The following NOC2L variants were observed in gnomAD, a reference collection of about 807,000 sequenced individuals.
NOC2L encodes NOC2 like nucleolar associated transcriptional repressor.
In NOC2L, 101 loss-of-function variants were observed where a neutral mutation model predicts 94.2. That is an observed-to-expected ratio of 1.07 (90% CI 0.91 to 1.26). NOC2L has a LOEUF of 1.26. Ranked by LOEUF, NOC2L falls within the 50% of genes most tolerant of loss-of-function variation. The pLI is 0.00. For synonymous variants in NOC2L, 531 were observed against 413.4 expected, an observed-to-expected ratio of 1.28 and a Z score of -3.45; for missense variants, 1,076 against 980.1, an observed-to-expected ratio of 1.10 and a Z score of -1.31.
At position 953,252 on chromosome 1, in the gene NOC2L, G is replaced by A. The variant is rs1425356479; in HGVS notation, c.925C>T (p.Leu309=). The stretch of plus-strand genomic sequence containing the variant: ...AGGACCAGGAAAGCCAGCACCCGCA[G>A]AGACTCTTCCCCAGTGCTCCATACG... ...VIVWSTGEES[L]RVLAFLVLSR... The change falls in exon 9 of 19, where the codon CTG becomes TTG. Residue 309 remains leucine (L), a synonymous_variant. Coordinates refer to ENST00000327044, the MANE Select transcript of NOC2L (RefSeq NM_015658.4). 4 of 1,611,818 alleles carry A rather than the reference G, an allele frequency of 2.5e-6. No homozygotes were observed. The highest frequency in any genetic ancestry group is 3.4e-6 in the Non-Finnish European group (4 of 1,178,320).
Position 959,199 on chromosome 1 carries a change from C to T in NOC2L, c.26+16G>A, listed in dbSNP as rs1475560570. On this transcript the variant is annotated intron_variant, in intron 1 of 18. Coordinates refer to ENST00000327044, the MANE Select transcript of NOC2L (RefSeq NM_015658.4). The stretch of plus-strand genomic sequence containing the variant: ...CCCACCGGGAGGCCAAATCGGCCCT[C>T]GGACCCGCGGCTTACCTCTTGCGGC... The T allele has an allele frequency of 1.2e-6, 2 of 1,610,572 alleles. No individual in the cohort carries two copies. Among genetic ancestry groups the T allele is most frequent in the Non-Finnish European group, 1.7e-6 (2 of 1,179,060 alleles).
intron 17 of NOC2L, 23 bp from the exon 18 acceptor site, chr1:945,169 C>T: frequency 1.3e-6 from 2 of 1,573,542 alleles, no homozygotes; most frequent in Non-Finnish European, 8.6e-7. Context: ...AAGCAGAGTC[C>T]ATATGACTCC....
rs779464694 is a variant in NOC2L, at chr1:945,585, C to T, written c.1986G>A (p.Lys662=). ...TCAGGTCAAAGAGGTCTTTAAATTG[C>T]TTCCTGTCCTCATCCTTCCTGTCAG... is the stretch of plus-strand genomic sequence containing the variant. The part of the protein sequence containing the change: ...KMADRKDEDR[K]QFKDLFDLNS... Residue 662 remains lysine (K), a synonymous_variant, in exon 17 of 19, where the codon AAG becomes AAA. Coordinates refer to ENST00000327044, the MANE Select transcript of NOC2L (RefSeq NM_015658.4). 3.3e-5 allele frequency: 53 copies of T among 1,614,022 alleles called. No homozygotes were observed. The East Asian group carries it at 1.0e-3, about 31-fold the overall frequency.
At chr1:958,690 T>A (rs1432866866) in intron 2 of NOC2L, 1 of 690,076 alleles carries the variant, frequency 1.4e-6, no homozygotes, top group Non-Finnish European at 2.6e-6. Context: ...AGAGTTCTCC[T>A]AGATCGGGAA....
In NOC2L at chr1:952,435, T is replaced by C. The variant is rs1449490062; in HGVS notation, c.1168A>G (p.Asn390Asp). 4 of 1,613,640 alleles carry C rather than the reference T, an allele frequency of 2.5e-6. No homozygotes were observed. The highest frequency in any genetic ancestry group is 2.2e-5 in the East Asian group (1 of 44,872). ...YIRQLAIHLR[N>D]AMTTRKKETY... ...ACCTTCTTGCGAGTGGTCATGGCGT[T>C]GCGCAGGTGTATGGCGAGCTGGCGG... The change falls in exon 10 of 19, where the codon AAC (asparagine) becomes GAC (aspartate). Residue 390 changes from asparagine (N) to aspartate (D), a missense_variant. Asn to Asp is a conservative substitution (Grantham distance 23). Around this residue, in one of 3 missense-constraint regions of NOC2L, gnomAD observed 615 missense variants for 577.4 expected, o/e 1.07. Coordinates refer to ENST00000327044, the MANE Select transcript of NOC2L (RefSeq NM_015658.4).
At chr1:948,027 T>A (rs1231059363) in intron 14 of NOC2L, 104 bp downstream of exon 14, 2 of 891,332 alleles carry the variant, frequency 2.2e-6, no homozygotes, top group East Asian at 5.3e-5. Context: ...TCCACCCCAG[T>A]CCCAGGTACC....
intron 6 of NOC2L, chr1:954,367 C>T: frequency 2.4e-6 from 1 of 422,446 alleles, no homozygotes; most frequent in South Asian, 5.6e-5. Context: ...CAGCCTCCAA[C>T]TCCCTCTCAG....
intron 10 of NOC2L, 34 bp from the exon 11 acceptor site, chr1:952,173 G>A: frequency 6.2e-7 from 1 of 1,612,084 alleles, no homozygotes; most frequent in South Asian, 1.1e-5. Context: ...CTACTGGCCA[G>A]GCTGACAAGT....
chr1:947,012 G>C (rs112689554), intron 14 of NOC2L: 1 of 166,946 alleles, frequency 6.0e-6, no homozygotes, highest in East Asian at 1.8e-4. Flanking sequence ...AGCCGAGATC[G>C]CACCATTGCA....
Position 949,490 on chromosome 1 carries a change from G to A in NOC2L, c.1444-887C>T, listed in dbSNP as rs192714326. On this transcript the variant is annotated intron_variant, in intron 12 of 18. Transcript: ENST00000327044. ...CCAGGCACCGGGGAAGGGCAGGCAC[G>A]GCCTACAGCTGAGGGCTTTGTTTTA... is the stretch of plus-strand genomic sequence containing the variant. 1.7e-3 allele frequency among the ~76,000 whole-genome samples: 262 copies of A among 152,338 alleles called. 1 individual carries two copies. The highest frequency in any genetic ancestry group is 6.0e-3 in the African/African-American group (248 of 41,564).
rs912942005 is a variant in NOC2L, at chr1:948,594, G to A, written c.1453C>T (p.Gln485Ter). Residue 485 changes from glutamine (Q) to a stop codon, truncating the protein, a stop_gained, in exon 13 of 19, where the codon CAG (glutamine) becomes TAG (stop). Coordinates refer to ENST00000327044, the MANE Select transcript of NOC2L (RefSeq NM_015658.4). LOFTEE classifies it high-confidence loss of function. ...CCTGGCTTCCTGTTGAAGTCGACCTGCTGGAACATCTGCCCCAAGGGCCGT... is the reference window on the plus strand; with the variant it reads ...CCTGGCTTCCTGTTGAAGTCGACCTACTGGAACATCTGCCCCAAGGGCCGT... ...VLPFILEMFQ[Q>*]VDFNRKPGRM... 35 of 1,475,450 alleles carry A rather than the reference G, an allele frequency of 2.4e-5. No individual in the cohort carries two copies. Among genetic ancestry groups the A allele is most frequent in the Non-Finnish European group, 3.1e-5 (34 of 1,104,784 alleles). The allele number at this position is 1,475,450 out of a possible 1,614,324, so 91.4% of individuals were successfully genotyped here.
chr1:957,407 G>T, intron 2 of NOC2L, 134 bp from the exon 3 acceptor site: 1 of 832,970 alleles, frequency 1.2e-6, no homozygotes, highest in South Asian at 1.7e-5. Context: ...GTACGTTTTT[G>T]GCAGACTCAC....
Position 946,520 on chromosome 1 carries a change from T to A in NOC2L, c.1685A>T (p.Lys562Met), listed in dbSNP as rs762004275. 1.9e-6 allele frequency: 3 copies of A among 1,612,948 alleles called. No homozygotes were observed. Among genetic ancestry groups the A allele is most frequent in the African/African-American group, 1.3e-5 (1 of 74,906 alleles). Residue 562 changes from lysine to methionine, a missense_variant, in exon 15 of 19, where the codon AAG becomes ATG. Transcript: ENST00000327044. Reference protein sequence around the residue: ...LQLKSFLRECKVANYCRQVQQ... With the variant: ...LQLKSFLRECMVANYCRQVQQ... ...CACCTGCCGGCAGTAGTTGGCCACC[T>A]TGCACTCCCGGAGGAACGACTTCAG...
Position 944,720 on chromosome 1 carries a change from C to A in NOC2L, c.2224G>T (p.Asp742Tyr). The A allele has an allele frequency of 6.3e-7, 1 of 1,599,352 alleles. No individual in the cohort carries two copies. Among genetic ancestry groups the A allele is most frequent in the Non-Finnish European group, 8.5e-7 (1 of 1,177,836 alleles). ...LAQGPEDELE[D>Y]LQLSEDD is the part of the protein sequence containing the mutation. ...CAGTCGTCCTCTGAGAGCTGCAGAT[C>A]CTCCAGCTCGTCCTCCGGCCCCTGG... Residue 742 changes from aspartate (D) to tyrosine (Y), a missense_variant, in exon 19 of 19, where the codon GAT (aspartate) becomes TAT (tyrosine). By Grantham distance (160) the Asp-to-Tyr change is radical. Transcript: ENST00000327044.
chr1:953,849 A>G lies in NOC2L; in HGVS notation c.821T>C (p.Leu274Pro). The G allele has an allele frequency of 6.2e-7, 1 of 1,613,118 alleles. No individual in the cohort carries two copies. Among genetic ancestry groups the G allele is most frequent in the Non-Finnish European group, 8.5e-7 (1 of 1,180,014 alleles). ...GGGCACCAGCACGCTGATGTGCCGCAGCACGGCCGCCAACACCGTCGTCTC... is the reference window on the plus strand; with the variant it reads ...GGGCACCAGCACGCTGATGTGCCGCGGCACGGCCGCCAACACCGTCGTCTC... The part of the protein sequence containing the change: ...LSETTVLAAV[L>P]RHISVLVPCF... Residue 274 changes from leucine (L) to proline (P), a missense_variant, in exon 8 of 19, where the codon CTG becomes CCG. Physicochemically the swap from Leu to Pro is moderately conservative, Grantham distance 98. Around this residue, in one of 3 missense-constraint regions of NOC2L, gnomAD observed 457 missense variants for 386.0 expected, o/e 1.18. Transcript: ENST00000327044.
Position 944,264 on chromosome 1 carries a change from A to C in NOC2L, c.*430T>G, listed in dbSNP as rs1642013658. Reference sequence around the variant, plus strand: ...TTTCGGTTTCGGATGCAAAACAAAAAATTTTAAAAGAAAATGTGACTTCAA... The same window carrying C: ...TTTCGGTTTCGGATGCAAAACAAAACATTTTAAAAGAAAATGTGACTTCAA... On this transcript the variant is annotated 3_prime_UTR_variant, in exon 19 of 19. Coordinates refer to ENST00000327044, the MANE Select transcript of NOC2L (RefSeq NM_015658.4). The C allele has an allele frequency of 2.8e-6, 4 of 1,453,672 alleles. No individual in the cohort carries two copies. The highest frequency in any genetic ancestry group is 3.6e-6 in the Non-Finnish European group (4 of 1,105,140). The allele number at this position is 1,453,672 out of a possible 1,614,324, so 90.0% of individuals were successfully genotyped here. A position where few individuals can be genotyped will look rare whatever the true frequency, so the allele number is the denominator to read the frequency against.
Position 953,889 on chromosome 1 carries a change from C to G in NOC2L, c.781G>C (p.Val261Leu). The change falls in exon 8 of 19, where the codon GTG (valine) becomes CTG (leucine). Residue 261 changes from valine to leucine, a missense_variant. Val to Leu is a conservative substitution (Grantham distance 32). Transcript: ENST00000327044. Reference sequence around the variant, plus strand: ...ACCGTCGTCTCCGACAGACAGGACACCAGCTGGGGGCAGGAGGGGACAGTG... The same window carrying G: ...ACCGTCGTCTCCGACAGACAGGACAGCAGCTGGGGGCAGGAGGGGACAGTG... ...KAYLGSAIQL[V>L]SCLSETTVLA... 6.2e-7 allele frequency: 1 copy of G among 1,613,088 alleles called. No individual in the cohort carries two copies. Among genetic ancestry groups the G allele is most frequent in the Non-Finnish European group, 8.5e-7 (1 of 1,179,882 alleles).
At chr1:953,918 C>G (rs373207970) in intron 7 of NOC2L, 26 bp from the exon 8 acceptor site, 203 of 1,609,698 alleles carry the variant, frequency 1.3e-4, no homozygotes, top group Non-Finnish European at 1.6e-4. Context: ...GACAGTGAAG[C>G]CCCAAACCCA....
At position 948,192 on chromosome 1, in the gene NOC2L, T is replaced by C. The variant is rs1241962203; in HGVS notation, c.1598A>G (p.Tyr533Cys). ...GATGCAGTGTGCCTGGCTGTGCAGG[T>C]ACTCCAGGGTGAGGTCGTACAGCTG... Reference protein sequence around the residue: ...VEQLYDLTLEYLHSQAHCIGF... With the variant: ...VEQLYDLTLECLHSQAHCIGF... The change falls in exon 14 of 19, where the codon TAC becomes TGC. Residue 533 changes from tyrosine to cysteine, a missense_variant. Physicochemically the swap from Tyr to Cys is radical, Grantham distance 194 (BLOSUM62 -2). Coordinates refer to ENST00000327044, the MANE Select transcript of NOC2L (RefSeq NM_015658.4). 1 of 1,589,760 alleles carries C rather than the reference T, an allele frequency of 6.3e-7. No individual in the cohort carries two copies. The highest frequency in any genetic ancestry group is 8.6e-7 in the Non-Finnish European group (1 of 1,168,594).
Sources: gnomAD v4.1 joint callset for allele counts (sites outside exome capture counted in the v4.1 genomes callset) on GRCh38, gnomAD v4.1.1 for gene constraint, gnomAD v4.1.1 regional missense constraint, MANE v1.5 for transcripts, NCBI Gene and HGNC (gene_info 2026-07-23, HGNC 2026-07-21) for gene names.